Variants in MS4A18 observed in about 807,000 individuals in gnomAD.
MS4A18 encodes the protein membrane spanning 4-domains A18, also known as membrane-spanning 4-domains subfamily A member 18.
In MS4A18, 27 loss-of-function variants were observed where a neutral mutation model predicts 13.1. The observed-to-expected ratio is 2.06, with a 90% CI of 1.52 to 2.84. MS4A18 has a LOEUF of 2.84. MS4A18 is among the 30% of genes most tolerant of loss of function. The probability of loss-of-function intolerance (pLI) is 0.00; values close to 1 mark genes in which losing one functional copy is unlikely to be tolerated. For missense variants in MS4A18, 307 were observed against 196.4 expected (o/e 1.56, Z -3.37); for synonymous variants, 126 against 76.5 (o/e 1.65, Z -3.38).
upstream of MS4A18, among the ~76,000 whole-genome samples, chr11:60,725,387 G>A (rs1853137103): frequency 6.6e-6 from 1 of 152,090 alleles, no homozygotes; most frequent in Non-Finnish European, 1.5e-5. Flanking sequence ...GTAGAGACAG[G>A]GTTTCACCGT....
At chr11:60,733,461 G>T in intron 1 of MS4A18, 73 bp from the exon 3 acceptor site, 1 of 700,432 alleles carries the variant, frequency 1.4e-6, no homozygotes, top group South Asian at 1.5e-5. Context: ...GGCACAGCCA[G>T]GGTGCAAAGC....
chr11:60,736,951 C>CTTTTTT (rs751418835), intron 2 of MS4A18, 27 bp from the exon 4 acceptor site: 3 of 633,912 alleles, frequency 4.7e-6, no homozygotes, highest in East Asian at 2.9e-5. Flanking sequence ...ATTGGTCATT[C>CTTTTTT]TTTTTTTTTT....
At chr11:60,731,909 G>A (rs56668376) in intron 1 of MS4A18, among the ~76,000 whole-genome samples, 132 of 152,232 alleles carry the variant, frequency 8.7e-4, no homozygotes, top group African/African-American at 2.9e-3. Flanking sequence ...TGCTGGCAGC[G>A]AGCGGCACTA....
chr11:60,733,572 T>C, exon 2 of MS4A18: 1 of 703,506 alleles, frequency 1.4e-6, no homozygotes, highest in South Asian at 1.5e-5. Flanking sequence ...ACATTTTCTC[T>C]GCAATTAACC....
At chr11:60,740,330 G>T (rs996369711) in intron 4 of MS4A18, among the ~76,000 whole-genome samples, 30 of 152,268 alleles carry the variant, frequency 2.0e-4, no homozygotes, top group Admixed American at 2.0e-3. Flanking sequence ...CTGTGGGCAG[G>T]GACCAGGCCC....
chr11:60,737,709 T>A (rs1853361482), intron 3 of MS4A18, among the ~76,000 whole-genome samples: 2 of 152,184 alleles, frequency 1.3e-5, no homozygotes, highest in South Asian at 4.1e-4. Flanking sequence ...CCTTCTCTCA[T>A]CTCCTTCCTT....
chr11:60,743,980 C>T (rs896699382), exon 6 of MS4A18: 28 of 702,092 alleles, frequency 4.0e-5, no homozygotes, highest in Non-Finnish European at 6.2e-5. Flanking sequence ...CCCGAACCCT[C>T]GTACCAAGAA....
chr11:60,738,960 T>C (rs1363258160), exon 4 of MS4A18: 5 of 703,094 alleles, frequency 7.1e-6, no homozygotes, highest in Non-Finnish European at 1.3e-5. Context: ...GCCGGGATCT[T>C]CATTATCATT....
At chr11:60,725,603 A>G (rs1476939078), upstream of MS4A18, among the ~76,000 whole-genome samples, 1 of 152,180 alleles carries the variant, frequency 6.6e-6, no homozygotes, top group Non-Finnish European at 1.5e-5. Context: ...TTTTTCACAC[A>G]TTAAAGAAGG....
At chr11:60,728,597 CTG>C (rs1366802100), upstream of MS4A18, among the ~76,000 whole-genome samples, 2 of 150,890 alleles carry the variant, frequency 1.3e-5, no homozygotes, top group Non-Finnish European at 3.0e-5. Flanking sequence ...CTGTCTGTGT[CTG>C]TGTCTTCCTC....
upstream of MS4A18, among the ~76,000 whole-genome samples, chr11:60,724,888 T>C (rs1218966802): frequency 1.3e-5 from 2 of 152,162 alleles, no homozygotes; most frequent in Admixed American, 6.5e-5. Flanking sequence ...GAAGTGTCTC[T>C]TGAGAACCAC....
At chr11:60,725,524 AG>A (rs1853141859), upstream of MS4A18, among the ~76,000 whole-genome samples, 1 of 152,130 alleles carries the variant, frequency 6.6e-6, no homozygotes, top group African/African-American at 2.4e-5. Context: ...GTAGAATCTC[AG>A]GGGTCCCAGG....
upstream of MS4A18, among the ~76,000 whole-genome samples, chr11:60,724,788 G>T (rs1398364929): frequency 6.6e-6 from 1 of 152,224 alleles, no homozygotes. Context: ...CTTCCCAGGA[G>T]CACAAGGTAA....
chr11:60,738,376 G>A (rs945902347), intron 3 of MS4A18, among the ~76,000 whole-genome samples: 9 of 152,258 alleles, frequency 5.9e-5, no homozygotes, highest in East Asian at 1.9e-4. Flanking sequence ...AAGTCTCCCC[G>A]ACTCCCTTCC....
chr11:60,742,843 C>A (rs1231350866), intron 5 of MS4A18, among the ~76,000 whole-genome samples: 1 of 152,184 alleles, frequency 6.6e-6, no homozygotes, highest in African/African-American at 2.4e-5. Context: ...CCAGAAGCAC[C>A]CAAATGACAT....
At chr11:60,728,289 T>G (rs1853194005), upstream of MS4A18, among the ~76,000 whole-genome samples, 1 of 152,174 alleles carries the variant, frequency 6.6e-6, no homozygotes, top group Non-Finnish European at 1.5e-5. Flanking sequence ...CATAAATGAG[T>G]TAACTAGTTA....
upstream of MS4A18, among the ~76,000 whole-genome samples, chr11:60,727,745 A>G (rs1316968192): frequency 6.6e-6 from 1 of 152,242 alleles, no homozygotes; most frequent in African/African-American, 2.4e-5. Flanking sequence ...ATTAACAAGT[A>G]AAGTACACTA....
chr11:60,727,684 C>G (rs990123913), upstream of MS4A18, among the ~76,000 whole-genome samples: 5 of 152,070 alleles, frequency 3.3e-5, no homozygotes, highest in Non-Finnish European at 7.4e-5. Flanking sequence ...GGTGTCTTGC[C>G]AGTAAGGACT....
At chr11:60,740,618 C>A (rs1853401019) in intron 4 of MS4A18, among the ~76,000 whole-genome samples, 1 of 152,166 alleles carries the variant, frequency 6.6e-6, no homozygotes, top group African/African-American at 2.4e-5. Context: ...CTCCCAGGAG[C>A]AGAATTTGAG....
Sources: allele counts gnomAD v4.1 joint callset (sites outside exome capture counted in the v4.1 genomes callset), GRCh38; gene constraint gnomAD v4.1.1; transcripts MANE v1.5; gene names NCBI Gene and HGNC (gene_info 2026-07-23, HGNC 2026-07-21).